PLEKHA3: variants seen among roughly 807,000 people sequenced by gnomAD.
PLEKHA3 encodes pleckstrin homology domain-containing family A member 3.
PLEKHA3 carries 19 observed loss-of-function variants against 39.2 expected under a neutral mutation model. That is an observed-to-expected ratio of 0.48 (90% CI 0.34 to 0.71). The LOEUF (loss-of-function observed/expected upper bound fraction) is 0.71. Among genes scored for constraint, PLEKHA3 ranks in the 30% least tolerant of loss-of-function variants. PLEKHA3 has a pLI of 0.01. For missense variants in PLEKHA3, 253 were observed against 359.5 expected (o/e 0.70, Z 2.40); for synonymous variants, 97 against 118.6 (o/e 0.82, Z 1.18).
At chr2:178,503,356 T>A (rs1685559182) in intron 7 of PLEKHA3, among the ~76,000 whole-genome samples, 3 of 151,982 alleles carry the variant, frequency 2.0e-5, no homozygotes, top group Admixed American at 2.0e-4. Flanking sequence ...GCATGTATCC[T>A]TTTATGGGTC....
chr2:178,482,505 A>G (rs1204068675), intron 1 of PLEKHA3, among the ~76,000 whole-genome samples: 3 of 146,848 alleles, frequency 2.0e-5, no homozygotes, highest in Non-Finnish European at 3.0e-5. Context: ...GTGAGCTATG[A>G]TTGTACCCAC....
At chr2:178,502,488 G>A in intron 7 of PLEKHA3, 1 of 273,128 alleles carries the variant, frequency 3.7e-6, no homozygotes, top group Non-Finnish European at 7.5e-6. Flanking sequence ...AGGCAGGTAA[G>A]ATAGACTCTG....
Position 178,514,055 on chromosome 2 carries a change from G to C in PLEKHA3, c.*10168G>C, listed in dbSNP as rs1685725851. The C allele has an allele frequency of 6.6e-6, 1 of 152,020 alleles. No homozygotes were observed. The highest frequency in any genetic ancestry group is 1.5e-5 in the Non-Finnish European group (1 of 68,012). The allele number at this position is 152,020 out of a possible 1,614,324, so 9.4% of individuals were successfully genotyped here. A position where few individuals can be genotyped will look rare whatever the true frequency, so the allele number is the denominator to read the frequency against. On this transcript the variant is annotated 3_prime_UTR_variant, in exon 8 of 8. Transcript: ENST00000234453. ...TTGCAATGGTGCCTCATCTTGGGGA[G>C]GCTTTAGAACACAGCTCTCATTTAG...
rs1043692008 is a variant in PLEKHA3 at position 178,509,149 on chromosome 2, GATT to G, written c.*5264_*5266del. 7 of 152,376 alleles carry G rather than the reference GATT, an allele frequency of 4.6e-5. No individual in the cohort carries two copies. Among genetic ancestry groups the G allele is most frequent in the African/African-American group, 1.7e-4 (7 of 41,366 alleles). The allele number at this position is 152,376 out of a possible 1,614,324, so 9.4% of individuals were successfully genotyped here. A position where few individuals can be genotyped will look rare whatever the true frequency, so the allele number is the denominator to read the frequency against. On this transcript the variant is annotated 3_prime_UTR_variant, in exon 8 of 8. Coordinates refer to ENST00000234453, the MANE Select transcript of PLEKHA3 (RefSeq NM_019091.4). Reference sequence around the variant, plus strand: ...GCTTTGTCGTCTGTGCTTTTTTGTGGATTAATACTATTTATATTCCTTTAATAT... The same window carrying G: ...GCTTTGTCGTCTGTGCTTTTTTGTGGAATACTATTTATATTCCTTTAATAT...
rs1559381163 is a variant in PLEKHA3, at chr2:178,480,876, G to C, written c.7G>C (p.Gly3Arg). MEGVLYKWTNYLT... is the reference protein window; with the variant it reads MERVLYKWTNYLT... ...CGGTGTGGGGCTCTGAAGCATGGAGGGGGTGTTGTACAAGTGGACCAACTA... is the reference window on the plus strand; with the variant it reads ...CGGTGTGGGGCTCTGAAGCATGGAGCGGGTGTTGTACAAGTGGACCAACTA... The change falls in exon 1 of 8, where the codon GGG (glycine) becomes CGG (arginine). Residue 3 changes from glycine to arginine, a missense_variant. Around this residue, in one of 2 missense-constraint regions of PLEKHA3, gnomAD observed 126 missense variants for 222.7 expected, o/e 0.57. Transcript: ENST00000234453. 3.0e-6 allele frequency: 4 copies of C among 1,317,490 alleles called. No homozygotes were observed. Among genetic ancestry groups the C allele is most frequent in the Non-Finnish European group, 3.9e-6 (4 of 1,024,740 alleles). 81.6% of individuals were successfully genotyped at this position (1,317,490 alleles called of 1,614,324 possible). A position where few individuals can be genotyped will look rare whatever the true frequency, so the allele number is the denominator to read the frequency against.
Position 178,501,177 on chromosome 2 carries a change from G to A in PLEKHA3, c.775+1G>A, listed in dbSNP as rs748158208. 10 of 1,602,096 alleles carry A rather than the reference G, an allele frequency of 6.2e-6. No individual in the cohort carries two copies. In the African/African-American group the frequency reaches 1.3e-4, roughly 22 times the overall value. ...GATATTCCTCTTGAAGACCCAGATAGTAAGTGACATAGATTCTGTCTCTTT... is the reference window on the plus strand; with the variant it reads ...GATATTCCTCTTGAAGACCCAGATAATAAGTGACATAGATTCTGTCTCTTT... On this transcript the variant is annotated splice_donor_variant, in intron 7 of 7. Coordinates refer to ENST00000234453, the MANE Select transcript of PLEKHA3 (RefSeq NM_019091.4). LOFTEE classifies it high-confidence loss of function.
intron 1 of PLEKHA3, among the ~76,000 whole-genome samples, 193 bp from the exon 2 acceptor site, chr2:178,485,443 CTCCAG>C (rs1292351991): frequency 2.6e-5 from 4 of 152,198 alleles, no homozygotes. Context: ...CTGGAGCTTG[CTCCAG>C]AAACCTCTCC....
In PLEKHA3 at chr2:178,493,979, C is replaced by T; in HGVS notation, c.440C>T (p.Pro147Leu). The change falls in exon 4 of 8, where the codon CCT becomes CTT. Residue 147 changes from proline (P) to leucine (L), a missense_variant. By Grantham distance (98) the Pro-to-Leu change is moderately conservative (BLOSUM62 -3). Coordinates refer to ENST00000234453, the MANE Select transcript of PLEKHA3 (RefSeq NM_019091.4). ...FVHHDENHSS[P>L]SAENMNEASS... ...CACCATGATGAGAATCATTCATCTCCTAGTGCAGAGGTAGAGCGAAGAGGA... is the reference window on the plus strand; with the variant it reads ...CACCATGATGAGAATCATTCATCTCTTAGTGCAGAGGTAGAGCGAAGAGGA... 6.2e-7 allele frequency: 1 copy of T among 1,613,790 alleles called. No individual in the cohort carries two copies. Among genetic ancestry groups the T allele is most frequent in the East Asian group, 2.2e-5 (1 of 44,860 alleles).
chr2:178,491,341 G>C (rs2154127730), intron 3 of PLEKHA3, among the ~76,000 whole-genome samples: 1 of 152,300 alleles, frequency 6.6e-6, no homozygotes, highest in African/African-American at 2.4e-5. Flanking sequence ...CTGATATATA[G>C]ACAGTAAGAT....
chr2:178,499,351 G>T (rs1012810212), intron 6 of PLEKHA3, 97 bp downstream of exon 6: 4 of 1,222,132 alleles, frequency 3.3e-6, no homozygotes, highest in South Asian at 1.4e-5. Flanking sequence ...TGTAAACTCT[G>T]TATGGGTTAG....
chr2:178,494,013 C>T (rs200684393), intron 4 of PLEKHA3, 24 bp downstream of exon 4: 43 of 1,609,336 alleles, frequency 2.7e-5, no homozygotes, highest in Middle Eastern at 1.7e-4. Context: ...GATCTCTTCA[C>T]GTGTGGTTAT....
At chr2:178,481,868 G>T (rs1201921307) in intron 1 of PLEKHA3, 1 of 152,292 alleles carries the variant, frequency 6.6e-6, no homozygotes, top group Non-Finnish European at 1.5e-5. Context: ...AGCATAATAG[G>T]CAAATCATGA....
rs1392104971 is a variant in PLEKHA3, at chr2:178,490,790, G to A, written c.289G>A (p.Asp97Asn). Residue 97 changes from aspartate (D) to asparagine (N), a missense_variant, in exon 3 of 8, where the codon GAT becomes AAT. Asp to Asn is a conservative substitution (Grantham distance 23). Coordinates refer to ENST00000234453, the MANE Select transcript of PLEKHA3 (RefSeq NM_019091.4). ...GGGGAGCTCCAAAGCATGTTTGACT[G>A]ATACAAGGACTAAAAAAGAAAAAGG... ...ALGSSKACLTDTRTKKEKEIS... is the reference protein window; with the variant it reads ...ALGSSKACLTNTRTKKEKEIS... The A allele has an allele frequency of 6.2e-7, 1 of 1,612,932 alleles. No individual in the cohort carries two copies. The highest frequency in any genetic ancestry group is 8.5e-7 in the Non-Finnish European group (1 of 1,179,580).
Position 178,480,929 on chromosome 2 carries a change from G to A in PLEKHA3, c.40+20G>A. The A allele has an allele frequency of 1.5e-6, 2 of 1,311,306 alleles. No individual in the cohort carries two copies. Among genetic ancestry groups the A allele is most frequent in the Non-Finnish European group, 2.0e-6 (2 of 1,020,362 alleles). The allele number at this position is 1,311,306 out of a possible 1,614,324, so 81.2% of individuals were successfully genotyped here. A position where few individuals can be genotyped will look rare whatever the true frequency, so the allele number is the denominator to read the frequency against. On this transcript the variant is annotated intron_variant, in intron 1 of 7. Coordinates refer to ENST00000234453, the MANE Select transcript of PLEKHA3 (RefSeq NM_019091.4). Reference sequence around the variant, plus strand: ...TCACAGGTATGGGGGCTCGTGTGATGAGGGAAGAGGGGAGAGGCGGGGGGC... The same window carrying A: ...TCACAGGTATGGGGGCTCGTGTGATAAGGGAAGAGGGGAGAGGCGGGGGGC...
At chr2:178,489,088 T>A in intron 2 of PLEKHA3, 1 of 377,092 alleles carries the variant, frequency 2.7e-6, no homozygotes, top group Non-Finnish European at 5.3e-6. Flanking sequence ...AGCATTGCTT[T>A]CTTTTAAAGT....
In PLEKHA3 at chr2:178,513,827, A is replaced by G. The variant is rs978690569; in HGVS notation, c.*9940A>G. The G allele has an allele frequency of 6.6e-6, 1 of 152,144 alleles. No homozygotes were observed. The highest frequency in any genetic ancestry group is 1.9e-4 in the East Asian group (1 of 5,200). The allele number at this position is 152,144 out of a possible 1,614,324, so 9.4% of individuals were successfully genotyped here. ...ACCACCCAGATTTTTGTCAGATAAT[A>G]TATACATGTCCATGTAATTAAAAGT... On this transcript the variant is annotated 3_prime_UTR_variant, in exon 8 of 8. Coordinates refer to ENST00000234453, the MANE Select transcript of PLEKHA3 (RefSeq NM_019091.4).
At position 178,515,950 on chromosome 2, in the gene PLEKHA3, C is replaced by A. The variant is rs1388588943; in HGVS notation, c.*12063C>A. ...TGCTGTTAAAATAGTCTTTTCTTTG[C>A]GTGTTTAAATATTGTTAGAAACATA... On this transcript the variant is annotated 3_prime_UTR_variant, in exon 8 of 8. Transcript: ENST00000234453. 3 of 151,672 alleles carry A rather than the reference C, an allele frequency of 2.0e-5. No individual in the cohort carries two copies. Among genetic ancestry groups the A allele is most frequent in the Non-Finnish European group, 4.4e-5 (3 of 67,882 alleles). The allele number at this position is 151,672 out of a possible 1,614,324, so 9.4% of individuals were successfully genotyped here.
chr2:178,498,302 C>T lies in PLEKHA3; in HGVS notation c.616-909C>T, dbSNP rs117659341. On this transcript the variant is annotated intron_variant, in intron 5 of 7. Transcript: ENST00000234453. ...TAATGTCAATCTTATCAGATGTTCC[C>T]AGACTACAAACTGGGTGGGTCATAT... Among the ~76,000 whole-genome samples, 29 of 152,272 alleles carry T rather than the reference C, an allele frequency of 1.9e-4. 1 individual carries two copies. The East Asian group carries it at 5.6e-3, about 29-fold the overall frequency.
At position 178,508,635 on chromosome 2, in the gene PLEKHA3, A is replaced by T. The variant is rs1052458400; in HGVS notation, c.*4748A>T. 1 of 153,752 alleles carries T rather than the reference A, an allele frequency of 6.5e-6. No individual in the cohort carries two copies. Among genetic ancestry groups the T allele is most frequent in the Non-Finnish European group, 1.5e-5 (1 of 68,044 alleles). 9.5% of individuals were successfully genotyped at this position (153,752 alleles called of 1,614,324 possible). A position where few individuals can be genotyped will look rare whatever the true frequency, so the allele number is the denominator to read the frequency against. ...TTTCTGTTGAGGTCCCCTAAATTTC[A>T]GTGGAGGTCTTCTCTTTGGGGCCAG... On this transcript the variant is annotated 3_prime_UTR_variant, in exon 8 of 8. Transcript: ENST00000234453.
Sources: gnomAD v4.1 joint callset for allele counts (sites outside exome capture counted in the v4.1 genomes callset) on GRCh38, gnomAD v4.1.1 for gene constraint, gnomAD v4.1.1 regional missense constraint, MANE v1.5 for transcripts, NCBI Gene and HGNC (gene_info 2026-07-23, HGNC 2026-07-21) for gene names.